The following CLEC16A variants were observed in gnomAD, a reference collection of about 807,000 sequenced individuals.
The protein encoded by CLEC16A is C-type lectin domain containing 16A, also known as protein CLEC16A.
In CLEC16A, 51 loss-of-function variants were observed where a neutral mutation model predicts 109.5. The ratio of observed to expected loss-of-function variants is 0.47; its 90% CI spans 0.37 to 0.59. The LOEUF (loss-of-function observed/expected upper bound fraction) is 0.59. Among genes scored for constraint, CLEC16A ranks in the 20% least tolerant of loss-of-function variants. CLEC16A has a pLI of 0.00. For missense variants in CLEC16A, 1,339 were observed against 1,394.0 expected (o/e 0.96, Z 0.63); for synonymous variants, 673 against 564.2 (o/e 1.19, Z -2.73).
At chr16:11,104,510 C>T (rs927235320) in intron 19 of CLEC16A, among the ~76,000 whole-genome samples, 7 of 152,138 alleles carry the variant, frequency 4.6e-5, no homozygotes, top group African/African-American at 1.4e-4. Flanking sequence ...TACCCTGGGC[C>T]AGGATCTGCT....
chr16:11,076,084 GA>G (rs33922702), intron 19 of CLEC16A, among the ~76,000 whole-genome samples: 117,999 of 152,044 alleles, frequency 0.78, 45,861 homozygotes, highest in East Asian at 0.9. Context: ...GGGGATTCTA[GA>G]AAACTGGGAC....
At chr16:11,146,407 C>T (rs1253573660) in intron 22 of CLEC16A, among the ~76,000 whole-genome samples, 3 of 150,784 alleles carry the variant, frequency 2.0e-5, no homozygotes, top group East Asian at 1.9e-4. Context: ...ATAAATGGAT[C>T]GATGGATGGA....
chr16:11,143,829 A>G (rs1324584661), intron 22 of CLEC16A, among the ~76,000 whole-genome samples: 1 of 152,212 alleles, frequency 6.6e-6, no homozygotes, highest in East Asian at 1.9e-4. Flanking sequence ...TCTGAGGCTC[A>G]GGGTGGTTAA....
chr16:11,061,608 C>T (rs1011846247), intron 19 of CLEC16A, among the ~76,000 whole-genome samples: 1 of 152,220 alleles, frequency 6.6e-6, no homozygotes, highest in Non-Finnish European at 1.5e-5. Flanking sequence ...TGGAACCCCT[C>T]TCGTATTTGT....
At chr16:11,108,965 G>C (rs928101710) in intron 19 of CLEC16A, among the ~76,000 whole-genome samples, 2 of 151,912 alleles carry the variant, frequency 1.3e-5, no homozygotes, top group Admixed American at 1.3e-4. Context: ...AAACAAATTA[G>C]CCAGGCGTGG....
intron 22 of CLEC16A, among the ~76,000 whole-genome samples, chr16:11,127,958 G>A (rs1023258023): frequency 6.6e-6 from 1 of 152,328 alleles, no homozygotes. Flanking sequence ...GATTCTGCCT[G>A]TTTCAGGGTC....
At chr16:10,984,290 C>A (rs531739690) in intron 10 of CLEC16A, among the ~76,000 whole-genome samples, 1 of 152,262 alleles carries the variant, frequency 6.6e-6, no homozygotes, top group South Asian at 2.1e-4. Flanking sequence ...GCATTAGCGC[C>A]TCTGAAAAGC....
chr16:11,077,678 C>T (rs1206719919), intron 19 of CLEC16A, among the ~76,000 whole-genome samples: 1 of 151,982 alleles, frequency 6.6e-6, no homozygotes, highest in Non-Finnish European at 1.5e-5. Context: ...GAGCAAAATC[C>T]TGATTTAAGA....
chr16:11,165,514 T>C (rs1042352416), intron 22 of CLEC16A, among the ~76,000 whole-genome samples: 1 of 152,032 alleles, frequency 6.6e-6, no homozygotes, highest in Non-Finnish European at 1.5e-5. Context: ...AGAACAAACA[T>C]GTATACTGAG....
chr16:11,145,267 G>A (rs1361460758), intron 22 of CLEC16A, among the ~76,000 whole-genome samples: 2 of 152,196 alleles, frequency 1.3e-5, no homozygotes, highest in Non-Finnish European at 1.5e-5. Flanking sequence ...AGTCACTGAT[G>A]GGGCCGGCCT....
chr16:10,984,032 G>A (rs984670992), intron 10 of CLEC16A, among the ~76,000 whole-genome samples: 5 of 151,990 alleles, frequency 3.3e-5, no homozygotes, highest in Admixed American at 6.5e-5. Context: ...AGCATAGTGC[G>A]TTTTATACAA....
rs192907865 is a variant in CLEC16A at position 10,967,951 on chromosome 16, C to G, written c.344-1210C>G. 5.0e-4 allele frequency among the ~76,000 whole-genome samples: 76 copies of G among 152,362 alleles called. No homozygotes were observed. The Middle Eastern group carries it at 0.01, about 20-fold the overall frequency. On this transcript the variant is annotated intron_variant, in intron 3 of 23. Coordinates refer to ENST00000409790, the MANE Select transcript of CLEC16A (RefSeq NM_015226.3). ...AGATTCTGACTCCGTGGCGCAGGGCCGGGGCCCAAGATCCTACAGGTCTGA... is the reference window on the plus strand; with the variant it reads ...AGATTCTGACTCCGTGGCGCAGGGCGGGGGCCCAAGATCCTACAGGTCTGA...
intron 22 of CLEC16A, among the ~76,000 whole-genome samples, chr16:11,147,071 G>A (rs539795479): frequency 4.6e-5 from 7 of 152,224 alleles, no homozygotes; most frequent in African/African-American, 7.2e-5. Flanking sequence ...GAGGAAGAGC[G>A]CCGAGAACCT....
intron 2 of CLEC16A, 64 bp from the exon 3 acceptor site, chr16:10,962,391 A>G: frequency 6.3e-7 from 1 of 1,598,500 alleles, no homozygotes; most frequent in Non-Finnish European, 8.6e-7. Flanking sequence ...GAATGAAACC[A>G]GATAATAATT....
Position 11,138,011 on chromosome 16 carries a change from C to A in CLEC16A, c.2641+11865C>A, listed in dbSNP as rs78731070. On this transcript the variant is annotated intron_variant, in intron 22 of 23. Transcript: ENST00000409790. ...TCCTTCATGCTGCTGATGGCCTCTT[C>A]AAAGCACGGCAGCTCCTGGGGGCCA... Among the ~76,000 whole-genome samples the A allele has an allele frequency of 5.2e-3, 797 of 152,294 alleles. 6 individuals carry two copies. Among genetic ancestry groups the A allele is most frequent in the Middle Eastern group, 0.01 (3 of 294 alleles).
At chr16:11,117,775 A>G (rs961622174) in intron 19 of CLEC16A, among the ~76,000 whole-genome samples, 13 of 152,158 alleles carry the variant, frequency 8.5e-5, no homozygotes, top group Non-Finnish European at 1.8e-4. Flanking sequence ...TGGTGGGAAA[A>G]AATTGCACTC....
chr16:11,042,634 C>T (rs1348857072), intron 15 of CLEC16A, among the ~76,000 whole-genome samples: 1 of 152,168 alleles, frequency 6.6e-6, no homozygotes, highest in Non-Finnish European at 1.5e-5. Context: ...CTCAGGATTT[C>T]TGAATTTTTT....
chr16:11,173,196 G>A lies in CLEC16A; in HGVS notation c.2807-5139G>A, dbSNP rs536788562. On this transcript the variant is annotated intron_variant, in intron 23 of 23. Transcript: ENST00000409790. ...GGACAGAAACCCCAAGTAAGATATC[G>A]TCCCTTTTCTCAGTTTTCTCTGTGG... Among the ~76,000 whole-genome samples, 20 of 152,192 alleles carry A rather than the reference G, an allele frequency of 1.3e-4. 1 individual carries two copies. Among genetic ancestry groups the A allele is most frequent in the African/African-American group, 4.6e-4 (19 of 41,524 alleles).
At chr16:11,164,746 TCC>T (rs2054845132) in intron 22 of CLEC16A, among the ~76,000 whole-genome samples, 4 of 152,226 alleles carry the variant, frequency 2.6e-5, no homozygotes, top group African/African-American at 9.6e-5. Context: ...CGTGGCTTGT[TCC>T]AGTAAAACTT....
Sources: allele counts gnomAD v4.1 joint callset (sites outside exome capture counted in the v4.1 genomes callset), GRCh38; gene constraint gnomAD v4.1.1; transcripts MANE v1.5; gene names NCBI Gene and HGNC (gene_info 2026-07-23, HGNC 2026-07-21).